Variants in IRAK3 observed in about 807,000 individuals in gnomAD.
The protein encoded by IRAK3 is interleukin 1 receptor associated kinase 3.
Under a neutral mutation model 56.6 loss-of-function variants are expected in IRAK3, and 57 were observed. That is an observed-to-expected ratio of 1.01 (90% CI 0.81 to 1.26). IRAK3 has a LOEUF of 1.26. Among genes scored for constraint, IRAK3 ranks in the 50% most tolerant of loss-of-function variants. The pLI is 0.00. For synonymous variants in IRAK3, 258 were observed against 255.7 expected (o/e 1.01, Z -0.09); for missense variants, 703 against 719.0 (o/e 0.98, Z 0.25).
intron 1 of IRAK3, 136 bp from the exon 2 acceptor site, chr12:66,203,575 A>C (rs1399825468): frequency 2.5e-6 from 2 of 795,978 alleles, no homozygotes; most frequent in South Asian, 1.5e-5. Flanking sequence ...ATTCCAAATT[A>C]GTTCAAAATA....
rs567815437 is a variant in IRAK3, at chr12:66,225,544, C to A, written c.654-1179C>A. Among the ~76,000 whole-genome samples the A allele has an allele frequency of 4.6e-5, 7 of 151,770 alleles. No individual in the cohort carries two copies. In the East Asian group the frequency reaches 1.4e-3, roughly 30 times the overall value. ...AATAATAGGTTTTTATAAATAGAAT[C>A]TTTTTTACAGATTTATTTTAATATC... On this transcript the variant is annotated intron_variant, in intron 6 of 11. Transcript: ENST00000261233.
chr12:66,222,980 T>C (rs1481448514), intron 6 of IRAK3, among the ~76,000 whole-genome samples: 1 of 149,562 alleles, frequency 6.7e-6, no homozygotes, highest in Non-Finnish European at 1.5e-5. Flanking sequence ...TTATAGGATT[T>C]GAGTAGGTAA....
intron 6 of IRAK3, among the ~76,000 whole-genome samples, chr12:66,225,374 TGTG>T (rs2052775018): frequency 6.6e-6 from 1 of 151,890 alleles, no homozygotes; most frequent in Non-Finnish European, 1.5e-5. Flanking sequence ...GTGTATTGTG[TGTG>T]TGTGTATGTA....
At chr12:66,201,905 A>T (rs1390534295) in intron 1 of IRAK3, among the ~76,000 whole-genome samples, 1 of 152,200 alleles carries the variant, frequency 6.6e-6, no homozygotes, top group Non-Finnish European at 1.5e-5. Context: ...AGGGGTGAGG[A>T]AGAAAAGAAT....
intron 6 of IRAK3, among the ~76,000 whole-genome samples, chr12:66,221,072 CA>C (rs2052728565): frequency 6.6e-6 from 1 of 152,150 alleles, no homozygotes; most frequent in African/African-American, 2.4e-5. Flanking sequence ...TGTTAACGCA[CA>C]AAATTTTCAC....
In IRAK3 at chr12:66,250,356, A is replaced by T. The variant is rs566881746; in HGVS notation, c.*2185A>T. The T allele has an allele frequency of 2.3e-3, 353 of 152,348 alleles. 1 individual carries two copies. The highest frequency in any genetic ancestry group is 8.2e-3 in the African/African-American group (341 of 41,578). 9.4% of individuals were successfully genotyped at this position (152,348 alleles called of 1,614,324 possible). A position where few individuals can be genotyped will look rare whatever the true frequency, so the allele number is the denominator to read the frequency against. On this transcript the variant is annotated 3_prime_UTR_variant, in exon 12 of 12. Transcript: ENST00000261233. The stretch of plus-strand genomic sequence containing the variant: ...TTCACATTAGATTCCATGTTGAAGA[A>T]CAACTAATCAAAGAAGAAAATCATC...
chr12:66,197,161 G>A (rs2052462464), intron 1 of IRAK3: 1 of 1,280,144 alleles, frequency 7.8e-7, no homozygotes, highest in Admixed American at 4.0e-5. Flanking sequence ...ACAAAGATTT[G>A]TGTTCCAAAA....
At chr12:66,221,059 A>G (rs1010646787) in intron 6 of IRAK3, among the ~76,000 whole-genome samples, 1 of 152,190 alleles carries the variant, frequency 6.6e-6, no homozygotes, top group African/African-American at 2.4e-5. Flanking sequence ...AGTGTCCTAT[A>G]GTTGTTAACG....
chr12:66,202,594 G>A (rs1324836246), intron 1 of IRAK3, among the ~76,000 whole-genome samples: 1 of 151,738 alleles, frequency 6.6e-6, no homozygotes, highest in Non-Finnish European at 1.5e-5. Flanking sequence ...CTGGGGCAGT[G>A]TGGCAAAACC....
At chr12:66,237,488 C>T (rs1052435249) in intron 8 of IRAK3, among the ~76,000 whole-genome samples, 1 of 152,160 alleles carries the variant, frequency 6.6e-6, no homozygotes, top group Admixed American at 6.5e-5. Flanking sequence ...AATCAATAGT[C>T]TCTTAGTCTT....
intron 8 of IRAK3, among the ~76,000 whole-genome samples, chr12:66,231,346 C>G (rs2052842006): frequency 1.3e-5 from 2 of 151,872 alleles, no homozygotes; most frequent in Non-Finnish European, 2.9e-5. Context: ...ACCCCATTCT[C>G]TACTTTAAAA....
At position 66,223,528 on chromosome 12, in the gene IRAK3, G is replaced by A. The variant is rs182176292; in HGVS notation, c.654-3195G>A. Among the ~76,000 whole-genome samples, 1,154 of 150,934 alleles carry A rather than the reference G, an allele frequency of 7.6e-3. 11 individuals carry two copies. The highest frequency in any genetic ancestry group is 0.012 in the Non-Finnish European group (842 of 67,726). ...CAAAACATTAGCCAAGCATGGTGAC[G>A]GGCGCCTGTAGTCCCAGCTACTCGG... On this transcript the variant is annotated intron_variant, in intron 6 of 11. Transcript: ENST00000261233.
At position 66,253,912 on chromosome 12, in the gene IRAK3, T is replaced by C. The variant is rs996131925; in HGVS notation, c.*5741T>C. ...ACAAACCAAAAACACTTTATTCAAGTCCAGGAAATATCTGCCTTGAAAAAG... is the reference window on the plus strand; with the variant it reads ...ACAAACCAAAAACACTTTATTCAAGCCCAGGAAATATCTGCCTTGAAAAAG... On this transcript the variant is annotated 3_prime_UTR_variant, in exon 12 of 12. Coordinates refer to ENST00000261233, the MANE Select transcript of IRAK3 (RefSeq NM_007199.3). The C allele has an allele frequency of 3.4e-4, 51 of 152,140 alleles. No homozygotes were observed. Among genetic ancestry groups the C allele is most frequent in the African/African-American group, 1.2e-3 (51 of 41,432 alleles). The allele number at this position is 152,140 out of a possible 1,614,324, so 9.4% of individuals were successfully genotyped here. A position where few individuals can be genotyped will look rare whatever the true frequency, so the allele number is the denominator to read the frequency against.
At position 66,203,864 on chromosome 12, in the gene IRAK3, GTCGAGC is replaced by G; in HGVS notation, c.289_294del (p.Arg97_Ala98del). On this transcript the variant is annotated inframe_deletion, in exon 2 of 12. Coordinates refer to ENST00000261233, the MANE Select transcript of IRAK3 (RefSeq NM_007199.3). ...CAGGTCCTCCAGGAGATGGGACATC[GTCGAGC>G]TATTCATTTAATTACAAACTATGGT... 3 of 1,613,884 alleles carry G rather than the reference GTCGAGC, an allele frequency of 1.9e-6. No homozygotes were observed. Among genetic ancestry groups the G allele is most frequent in the Non-Finnish European group, 2.5e-6 (3 of 1,179,786 alleles).
chr12:66,189,469 G>A, intron 1 of IRAK3, 37 bp downstream of exon 1: 1 of 1,145,060 alleles, frequency 8.7e-7, no homozygotes, highest in Non-Finnish European at 1.1e-6. Context: ...CGGCGGGGGA[G>A]CCCAGCGCGC....
chr12:66,234,622 A>G, intron 8 of IRAK3: 3 of 1,611,732 alleles, frequency 1.9e-6, no homozygotes, highest in South Asian at 1.1e-5. Context: ...GTCCTCCATC[A>G]GAAAACTTAC....
intron 11 of IRAK3, among the ~76,000 whole-genome samples, chr12:66,246,557 G>T (rs965995900): frequency 6.6e-6 from 1 of 152,238 alleles, no homozygotes; most frequent in Admixed American, 6.5e-5. Context: ...TCAGGAAGGA[G>T]CTATGACATA....
intron 7 of IRAK3, 42 bp from the exon 8 acceptor site, chr12:66,228,210 A>T: frequency 7.2e-7 from 1 of 1,388,102 alleles, no homozygotes; most frequent in Non-Finnish European, 1.0e-6. Context: ...GGTAGTTTTT[A>T]CTCAGAAAGT....
chr12:66,226,866 C>G, intron 7 of IRAK3, 29 bp downstream of exon 7: 2 of 1,272,402 alleles, frequency 1.6e-6, no homozygotes, highest in Non-Finnish European at 2.3e-6. Flanking sequence ...TCTGTCTGAT[C>G]CTCTGACCCC....
Sources: gnomAD v4.1 joint callset for allele counts (sites outside exome capture counted in the v4.1 genomes callset) on GRCh38, gnomAD v4.1.1 for gene constraint, MANE v1.5 for transcripts, NCBI Gene and HGNC (gene_info 2026-07-23, HGNC 2026-07-21) for gene names.